EIF3L: variants seen among roughly 807,000 people sequenced by gnomAD.
The protein encoded by EIF3L is eIEF associated protein HSPC021.
A neutral mutation model predicts 74.6 loss-of-function variants in EIF3L; 32 were observed. The ratio of observed to expected loss-of-function variants is 0.43; its 90% CI spans 0.32 to 0.58. The LOEUF (loss-of-function observed/expected upper bound fraction) is 0.58, where lower values mean the gene tolerates loss of function less well. Ranked by LOEUF, EIF3L falls within the 20% of genes least tolerant of loss-of-function variation. The pLI is 0.06. For synonymous variants in EIF3L, 256 were observed against 254.4 expected (o/e 1.01, Z -0.06); for missense variants, 474 against 707.8 (o/e 0.67, Z 3.75).
In EIF3L at chr22:37,875,662, A is replaced by T. The variant is rs563241744; in HGVS notation, c.907-179A>T. 5.9e-5 allele frequency among the ~76,000 whole-genome samples: 9 copies of T among 152,274 alleles called. No individual in the cohort carries two copies. The South Asian group carries it at 1.9e-3, about 32-fold the overall frequency. Reference sequence around the variant, plus strand: ...TTCTTGTTTACAGCTAAAAAAATGGATTCCTCAAAACATACAACTTAATTG... The same window carrying T: ...TTCTTGTTTACAGCTAAAAAAATGGTTTCCTCAAAACATACAACTTAATTG... On this transcript the variant is annotated intron_variant, in intron 9 of 12. Coordinates refer to ENST00000652021, the MANE Select transcript of EIF3L (RefSeq NM_016091.4).
chr22:37,856,275 C>G (rs894992302), intron 4 of EIF3L, among the ~76,000 whole-genome samples: 4 of 152,194 alleles, frequency 2.6e-5, no homozygotes, highest in African/African-American at 9.6e-5. Flanking sequence ...CGGGGTTTCA[C>G]CGTGTTGGCC....
rs748529567 is a variant in EIF3L at position 37,875,817 on chromosome 22, T to C, written c.907-24T>C. 5.0e-6 allele frequency: 8 copies of C among 1,602,102 alleles called. No homozygotes were observed. The Admixed American group carries it at 1.3e-4, about 27-fold the overall frequency. The stretch of plus-strand genomic sequence containing the variant: ...TCTAGGATGAATTGGGACTCATGAA[T>C]GTTTGTTCTACCTCCTTCTACAGAG... On this transcript the variant is annotated intron_variant, in intron 9 of 12. Coordinates refer to ENST00000652021, the MANE Select transcript of EIF3L (RefSeq NM_016091.4).
rs184331576 is a variant in EIF3L at position 37,870,143 on chromosome 22, C to G, written c.580-33C>G. 443 of 1,557,842 alleles carry G rather than the reference C, an allele frequency of 2.8e-4. No homozygotes were observed. The African/African-American group carries it at 3.7e-3, about 13-fold the overall frequency. On this transcript the variant is annotated intron_variant, in intron 7 of 12. Coordinates refer to ENST00000652021, the MANE Select transcript of EIF3L (RefSeq NM_016091.4). The stretch of plus-strand genomic sequence containing the variant: ...CATGGATGATCACTTTGGGCTTATA[C>G]CACTACTGCATGTTTCTTTTCTTCC...
chr22:37,876,034 C>T, intron 10 of EIF3L, 23 bp downstream of exon 10: 2 of 1,603,302 alleles, frequency 1.2e-6, no homozygotes, highest in Non-Finnish European at 1.7e-6. Flanking sequence ...CTGCCTGCCA[C>T]CAGTGGCCTT....
At chr22:37,849,800 T>C (rs1925070091) in intron 1 of EIF3L, 1 of 621,630 alleles carries the variant, frequency 1.6e-6, no homozygotes, top group South Asian at 2.0e-5. Flanking sequence ...CCACAGCCTC[T>C]TGTCCTTTGC....
At chr22:37,850,498 A>C (rs188964828) in intron 2 of EIF3L, 2 of 222,226 alleles carry the variant, frequency 9.0e-6, no homozygotes, top group East Asian at 2.9e-4. Context: ...CACCATTCCC[A>C]GCTAATTTTT....
In EIF3L at chr22:37,878,018, G is replaced by A; in HGVS notation, c.1422G>A (p.Lys474=). 1 of 1,613,864 alleles carries A rather than the reference G, an allele frequency of 6.2e-7. No individual in the cohort carries two copies. Residue 474 remains lysine, a synonymous_variant, in exon 11 of 13, where the codon AAG becomes AAA. Coordinates refer to ENST00000652021, the MANE Select transcript of EIF3L (RefSeq NM_016091.4). ...TCTACACCACCATGCCTGTGGCCAA[G>A]CTGGCTGGCTTCCTGGACCTCACAG... ...LKLYTTMPVA[K]LAGFLDLTEQ...
intron 2 of EIF3L, among the ~76,000 whole-genome samples, 156 bp from the exon 3 acceptor site, chr22:37,851,124 A>G (rs1033143056): frequency 6.6e-6 from 1 of 152,242 alleles, no homozygotes; most frequent in African/African-American, 2.4e-5. Context: ...AACAGGGACA[A>G]CGAGATTGGG....
intron 7 of EIF3L, among the ~76,000 whole-genome samples, chr22:37,867,138 A>G (rs1926193647): frequency 1.3e-5 from 2 of 152,054 alleles, no homozygotes; most frequent in South Asian, 2.1e-4. Context: ...CCTGGGCTCA[A>G]GCAATCCCCC....
At chr22:37,869,965 G>T (rs952177280) in intron 7 of EIF3L, among the ~76,000 whole-genome samples, 16 of 152,272 alleles carry the variant, frequency 1.1e-4, no homozygotes, top group African/African-American at 3.9e-4. Flanking sequence ...TCACTGTGTA[G>T]TAAGTAACAT....
At chr22:37,886,987 G>A (rs1026088912) in intron 12 of EIF3L, 142 bp downstream of exon 12, 10 of 594,958 alleles carry the variant, frequency 1.7e-5, no homozygotes, top group African/African-American at 1.5e-4. Context: ...GGAGTGCAGC[G>A]ACGTGATCTT....
chr22:37,876,015 A>AGG lies in EIF3L; in HGVS notation c.1077+8_1077+9dup. ...GACCACGTACAAGTATGAGATGGTA[A>AGG]GGGGGACTCTGCCTGCCACCAGTGG... On this transcript the variant is annotated splice_donor_region_variant and intron_variant, in intron 10 of 12. Coordinates refer to ENST00000652021, the MANE Select transcript of EIF3L (RefSeq NM_016091.4). 2.5e-6 allele frequency: 4 copies of AGG among 1,609,522 alleles called. No individual in the cohort carries two copies. The South Asian group carries it at 4.4e-5, about 18-fold the overall frequency.
At chr22:37,884,338 G>C (rs1188889691) in intron 11 of EIF3L, 1 of 152,012 alleles carries the variant, frequency 6.6e-6, no homozygotes, top group African/African-American at 2.4e-5. Context: ...GGGGTTTTTT[G>C]TTCCTTTTTT....
At chr22:37,858,256 C>G (rs1226316892) in intron 4 of EIF3L, among the ~76,000 whole-genome samples, 1 of 83,702 alleles carries the variant, frequency 1.2e-5, no homozygotes, top group Admixed American at 1.8e-4. Flanking sequence ...ACATGGGGGT[C>G]TCACTGTGTT....
At chr22:37,871,994 G>A (rs1391119640) in intron 8 of EIF3L, among the ~76,000 whole-genome samples, 1 of 151,948 alleles carries the variant, frequency 6.6e-6, no homozygotes. Context: ...CTTCTTTGAA[G>A]TAACCAGTGG....
intron 3 of EIF3L, among the ~76,000 whole-genome samples, chr22:37,854,185 G>A (rs1300928212): frequency 6.6e-6 from 1 of 152,190 alleles, no homozygotes; most frequent in Non-Finnish European, 1.5e-5. Context: ...AAAGTGAAAA[G>A]TAGATAGTAA....
chr22:37,888,351 C>T (rs995199304), intron 12 of EIF3L, 75 bp from the exon 13 acceptor site: 15 of 1,512,836 alleles, frequency 9.9e-6, no homozygotes, highest in Non-Finnish European at 1.2e-5. Context: ...GGAATCTGAC[C>T]TAGTGATCAT....
chr22:37,860,667 C>G (rs918704272), intron 5 of EIF3L, among the ~76,000 whole-genome samples: 3 of 152,210 alleles, frequency 2.0e-5, no homozygotes, highest in African/African-American at 7.2e-5. Context: ...GCCACTGTGC[C>G]TGGCCTTCAG....
chr22:37,850,160 G>C, intron 2 of EIF3L, 97 bp downstream of exon 2: 1 of 1,403,010 alleles, frequency 7.1e-7, no homozygotes, highest in Non-Finnish European at 1.0e-6. Context: ...ATTGCTCTTT[G>C]ATGGTCCAGG....
Sources: allele counts gnomAD v4.1 joint callset (sites outside exome capture counted in the v4.1 genomes callset), GRCh38; gene constraint gnomAD v4.1.1; transcripts MANE v1.5; gene names NCBI Gene and HGNC (gene_info 2026-07-23, HGNC 2026-07-21).